Variants in PLCB1 observed in about 807,000 individuals in gnomAD.
PLCB1 encodes the protein 1-phosphatidylinositol 4,5-bisphosphate phosphodiesterase beta-1.
In PLCB1, 46 loss-of-function variants were observed where a neutral mutation model predicts 161.8. The ratio of observed to expected loss-of-function variants is 0.28; its 90% CI spans 0.22 to 0.36. The LOEUF (loss-of-function observed/expected upper bound fraction) is 0.36, where lower values mean the gene tolerates loss of function less well. Ranked by LOEUF, PLCB1 falls within the 10% of genes least tolerant of loss-of-function variation. The pLI is 1.00. For missense variants in PLCB1, 1,016 were observed against 1,472.5 expected (o/e 0.69, Z 5.07); for synonymous variants, 517 against 503.7 (o/e 1.03, Z -0.35).
At chr20:8,642,989 T>C (rs1290072546) in intron 4 of PLCB1, among the ~76,000 whole-genome samples, 1 of 152,252 alleles carries the variant, frequency 6.6e-6, no homozygotes, top group Non-Finnish European at 1.5e-5. Flanking sequence ...ATTATCTATT[T>C]TAAGGAAAAT....
chr20:8,174,083 T>G (rs2051758791), intron 2 of PLCB1, among the ~76,000 whole-genome samples: 1 of 152,126 alleles, frequency 6.6e-6, no homozygotes, highest in Non-Finnish European at 1.5e-5. Flanking sequence ...AATATTTGAA[T>G]AAATCATGGC....
chr20:8,820,339 T>C (rs1985281124), intron 31 of PLCB1, among the ~76,000 whole-genome samples: 1 of 151,760 alleles, frequency 6.6e-6, no homozygotes, highest in Non-Finnish European at 1.5e-5. Context: ...AAACAGGTGC[T>C]TCTAATATGG....
At chr20:8,373,622 G>T (rs865946202) in intron 3 of PLCB1, among the ~76,000 whole-genome samples, 1 of 152,146 alleles carries the variant, frequency 6.6e-6, no homozygotes, top group Admixed American at 6.5e-5. Flanking sequence ...CAAAATTTGA[G>T]CACCACTGCC....
intron 3 of PLCB1, among the ~76,000 whole-genome samples, chr20:8,376,194 A>G (rs28575339): frequency 0.028 from 4,247 of 152,306 alleles, 199 homozygotes; most frequent in African/African-American, 0.093. Flanking sequence ...AAATATTTTT[A>G]TAGTTACACA....
At chr20:8,697,531 T>G (rs1990609173) in intron 10 of PLCB1, 95 bp from the exon 11 acceptor site, 2 of 1,278,880 alleles carry the variant, frequency 1.6e-6, no homozygotes, top group Non-Finnish European at 2.2e-6. Context: ...TCTTAGACTC[T>G]TTGTTTTCCT....
chr20:8,754,418 A>G (rs1981637714), intron 23 of PLCB1, among the ~76,000 whole-genome samples: 1 of 148,604 alleles, frequency 6.7e-6, no homozygotes, highest in African/African-American at 2.5e-5. Context: ...AGCCACCATT[A>G]TTACTTTCAC....
intron 3 of PLCB1, among the ~76,000 whole-genome samples, chr20:8,499,940 AAGTC>A (rs1983335263): frequency 6.6e-6 from 1 of 152,356 alleles, no homozygotes; most frequent in South Asian, 2.1e-4. Context: ...TTAGATGGAC[AAGTC>A]AGTCTTTCTA....
intron 9 of PLCB1, among the ~76,000 whole-genome samples, chr20:8,682,195 T>G (rs895732418): frequency 2.0e-5 from 3 of 152,078 alleles, no homozygotes; most frequent in Non-Finnish European, 2.9e-5. Context: ...AAATAGAGAT[T>G]CTGGTGTGAA....
chr20:8,184,808 A>AT (rs1248038983), intron 2 of PLCB1, among the ~76,000 whole-genome samples: 1 of 144,840 alleles, frequency 6.9e-6, no homozygotes, highest in Non-Finnish European at 1.5e-5. Context: ...TATTATTATT[A>AT]TACTTTAAGT....
intron 12 of PLCB1, among the ~76,000 whole-genome samples, chr20:8,710,308 C>T (rs1978927971): frequency 6.6e-6 from 1 of 152,034 alleles, no homozygotes; most frequent in East Asian, 1.9e-4. Context: ...CTCACTATCG[C>T]AACAACAGTA....
chr20:8,335,566 G>C (rs539522492), intron 2 of PLCB1, among the ~76,000 whole-genome samples: 19 of 152,160 alleles, frequency 1.2e-4, no homozygotes, highest in Admixed American at 5.2e-4. Flanking sequence ...GAGGGTCTCT[G>C]TGTATACATG....
chr20:8,185,002 T>G (rs530298343), intron 2 of PLCB1, among the ~76,000 whole-genome samples: 20 of 152,044 alleles, frequency 1.3e-4, no homozygotes, highest in African/African-American at 4.8e-4. Flanking sequence ...CCACGTGTTC[T>G]CACTGTTCAA....
intron 31 of PLCB1, among the ~76,000 whole-genome samples, chr20:8,857,616 A>G (rs968440818): frequency 1.3e-5 from 2 of 152,158 alleles, no homozygotes; most frequent in African/African-American, 4.8e-5. Flanking sequence ...TGAATCTTCC[A>G]TTTTACATGA....
chr20:8,150,242 A>AT, intron 1 of PLCB1, 52 bp from the exon 2 acceptor site: 3 of 782,292 alleles, frequency 3.8e-6, no homozygotes, highest in Non-Finnish European at 6.4e-6. Context: ...TCCTGGATAG[A>AT]TTTTTCTACA....
intron 3 of PLCB1, among the ~76,000 whole-genome samples, chr20:8,548,520 CCT>C (rs768623414): frequency 1.0e-4 from 15 of 148,382 alleles, no homozygotes; most frequent in African/African-American, 1.5e-4. Context: ...TCCCTCCCTC[CCT>C]CTCTCTCTTT....
At chr20:8,793,911 G>A (rs550879265) in intron 31 of PLCB1, among the ~76,000 whole-genome samples, 29 of 152,060 alleles carry the variant, frequency 1.9e-4, no homozygotes, top group East Asian at 5.8e-4. Context: ...AGCTATGCCC[G>A]GGGGGCCAGT....
At chr20:8,704,090 A>G (rs951222436) in intron 11 of PLCB1, among the ~76,000 whole-genome samples, 30 of 152,224 alleles carry the variant, frequency 2.0e-4, no homozygotes, top group Non-Finnish European at 1.0e-4. Flanking sequence ...GCAGTGGCTC[A>G]TGCCTATAAT....
chr20:8,704,172 G>A (rs1978531331), intron 11 of PLCB1, among the ~76,000 whole-genome samples: 1 of 152,008 alleles, frequency 6.6e-6, no homozygotes, highest in Non-Finnish European at 1.5e-5. Flanking sequence ...TGGTCAACAT[G>A]GCAAAACCCC....
At chr20:8,195,627 G>T (rs2052014530) in intron 2 of PLCB1, among the ~76,000 whole-genome samples, 3 of 152,010 alleles carry the variant, frequency 2.0e-5, no homozygotes, top group South Asian at 2.1e-4. Context: ...TACCCATTTG[G>T]CAACTGATGG....
Sources: gnomAD v4.1 joint callset for allele counts (sites outside exome capture counted in the v4.1 genomes callset) on GRCh38, gnomAD v4.1.1 for gene constraint, MANE v1.5 for transcripts, NCBI Gene and HGNC (gene_info 2026-07-23, HGNC 2026-07-21) for gene names.